USP34: variants seen among roughly 807,000 people sequenced by gnomAD.
USP34 encodes the protein ubiquitin specific peptidase 34.
In USP34, 70 loss-of-function variants were observed where a neutral mutation model predicts 460.3. The ratio of observed to expected loss-of-function variants is 0.15; its 90% CI spans 0.13 to 0.19. The LOEUF is 0.19. Among genes scored for constraint, USP34 ranks in the 10% least tolerant of loss-of-function variants. USP34 has a pLI of 1.00. For missense variants in USP34, 3,985 were observed against 4,236.2 expected, an observed-to-expected ratio of 0.94 and a Z score of 1.65; for synonymous variants, 1,647 against 1,405.3, an observed-to-expected ratio of 1.17 and a Z score of -3.85.
At position 61,248,700 on chromosome 2, in the gene USP34, A is replaced by G. The variant is rs1425218335; in HGVS notation, c.6222-17T>C. 6.5e-7 allele frequency: 1 copy of G among 1,534,086 alleles called. No homozygotes were observed. The highest frequency in any genetic ancestry group is 2.0e-5 in the Admixed American group (1 of 48,962). ...AAACATGCCCTGAGAGACAAGAAAA[A>G]AATTAATAAAGATTATTTTTTACAA... On this transcript the variant is annotated splice_polypyrimidine_tract_variant and intron_variant, in intron 48 of 79. Transcript: ENST00000398571.
At position 61,311,478 on chromosome 2, in the gene USP34, G is replaced by GAAAAAGAAAAAAAAGAGAAAA. The variant is rs1553368197; in HGVS notation, c.3817+61_3817+62insTTTTCTCTTTTTTTTCTTTTT. ...AGAAAAGGAAAGGAGAAAAGAGAAA[G>GAAAAAGAAAAAAAAGAGAAAA]AGAAAGAGAAAAAGAAAGAAAGAGA... On this transcript the variant is annotated intron_variant, in intron 27 of 79. Coordinates refer to ENST00000398571, the MANE Select transcript of USP34 (RefSeq NM_014709.4). 2,313 of 1,480,376 alleles carry GAAAAAGAAAAAAAAGAGAAAA rather than the reference G, an allele frequency of 1.6e-3. 32 individuals are homozygous for GAAAAAGAAAAAAAAGAGAAAA. The African/African-American group carries it at 0.03, about 19-fold the overall frequency. 91.7% of individuals were successfully genotyped at this position (1,480,376 alleles called of 1,614,324 possible).
At chr2:61,385,380 T>C (rs575229225) in intron 5 of USP34, among the ~76,000 whole-genome samples, 2 of 152,034 alleles carry the variant, frequency 1.3e-5, no homozygotes, top group East Asian at 3.9e-4. Context: ...GCTAAAACTC[T>C]CTAAGAAATA....
chr2:61,203,761 T>C (rs965827866), intron 74 of USP34, among the ~76,000 whole-genome samples: 2 of 152,164 alleles, frequency 1.3e-5, no homozygotes, highest in African/African-American at 4.8e-5. Context: ...AATTATCCTG[T>C]ATCAATGTAC....
At chr2:61,198,276 A>G (rs1343907263) in intron 75 of USP34, among the ~76,000 whole-genome samples, 1 of 152,172 alleles carries the variant, frequency 6.6e-6, no homozygotes, top group Non-Finnish European at 1.5e-5. Context: ...TATTCTGCAT[A>G]TTATTTTTAC....
chr2:61,343,889 T>G lies in USP34; in HGVS notation c.2426A>C (p.His809Pro), dbSNP rs374819427. The change falls in exon 16 of 80, where the codon CAT becomes CCT. Residue 809 changes from histidine to proline, a missense_variant. Around this residue, in one of 14 missense-constraint regions of USP34, gnomAD observed 716 missense variants for 626.2 expected, o/e 1.14. Transcript: ENST00000398571. Reference sequence around the variant, plus strand: ...TTGGAGGTGAGATGTCAGTTCCGCATGTGAATTAATCTGAACTAGCTCCTC... The same window carrying G: ...TTGGAGGTGAGATGTCAGTTCCGCAGGTGAATTAATCTGAACTAGCTCCTC... ...CEEELVQINS[H>P]AELTSHLQQH... The G allele has an allele frequency of 9.9e-6, 16 of 1,613,926 alleles. No individual in the cohort carries two copies. Among genetic ancestry groups the G allele is most frequent in the Non-Finnish European group, 1.4e-5 (16 of 1,179,958 alleles).
At chr2:61,405,232 C>CAAAAAAAAAAAAAAA (rs199659618) in intron 3 of USP34, among the ~76,000 whole-genome samples, 17 of 78,056 alleles carry the variant, frequency 2.2e-4, no homozygotes, top group Admixed American at 3.8e-4. Flanking sequence ...GACTCCATCT[C>CAAAAAAAAAAAAAAA]AAAAAAAAAA....
chr2:61,206,329 A>G (rs747692509), intron 71 of USP34, among the ~76,000 whole-genome samples: 1 of 152,224 alleles, frequency 6.6e-6, no homozygotes, highest in Non-Finnish European at 1.5e-5. Flanking sequence ...TTCATTGATA[A>G]TATGTCCCAC....
intron 10 of USP34, among the ~76,000 whole-genome samples, chr2:61,364,020 T>C (rs1036665888): frequency 2.0e-5 from 3 of 152,064 alleles, no homozygotes; most frequent in African/African-American, 7.2e-5. Context: ...GAAGGACAAA[T>C]ATTATGATTC....
intron 44 of USP34, among the ~76,000 whole-genome samples, chr2:61,258,329 ATAAAAATAGT>A (rs2103898896): frequency 6.6e-6 from 1 of 152,312 alleles, no homozygotes; most frequent in East Asian, 1.9e-4. Flanking sequence ...GCCTCAAAAA[ATAAAAATAGT>A]CAAAAATACA....
intron 20 of USP34, among the ~76,000 whole-genome samples, chr2:61,329,779 A>G (rs1572940214): frequency 6.6e-6 from 1 of 152,244 alleles, no homozygotes; most frequent in Admixed American, 6.5e-5. Flanking sequence ...TCATTGTATC[A>G]TTTCATTAAA....
At chr2:61,195,049 G>A (rs1298302594) in intron 75 of USP34, among the ~76,000 whole-genome samples, 3 of 151,410 alleles carry the variant, frequency 2.0e-5, no homozygotes, top group Admixed American at 1.3e-4. Flanking sequence ...ATGAAACCCC[G>A]TCTCTACTAA....
At chr2:61,375,495 C>T (rs557628738) in intron 8 of USP34, among the ~76,000 whole-genome samples, 32 of 152,114 alleles carry the variant, frequency 2.1e-4, no homozygotes, top group East Asian at 1.3e-3. Context: ...ACAGGCGGGG[C>T]GCGGTGGCTC....
Position 61,314,616 on chromosome 2 carries a change from G to T in USP34, c.3511C>A (p.Leu1171Met). 6.4e-7 allele frequency: 1 copy of T among 1,572,866 alleles called. No homozygotes were observed. Among genetic ancestry groups the T allele is most frequent in the Non-Finnish European group, 8.6e-7 (1 of 1,166,520 alleles). Residue 1171 changes from leucine (L) to methionine (M), a missense_variant, in exon 25 of 80, where the codon CTG (leucine) becomes ATG (methionine). This residue lies in a region of USP34 where 1,114 missense variants were observed against 1,122.5 expected (regional missense o/e 0.99). Transcript: ENST00000398571. Reference protein sequence around the residue: ...LMVIERGLLMLKTHLEAFRRR... With the variant: ...LMVIERGLLMMKTHLEAFRRR... ...CTAAACGCTTCCAGATGTGTCTTCA[G>T]CATAAGGAGTCCTCTTTCTATAACC...
chr2:61,381,495 C>T (rs909984934), intron 6 of USP34, among the ~76,000 whole-genome samples: 3 of 152,036 alleles, frequency 2.0e-5, no homozygotes, highest in African/African-American at 4.8e-5. Flanking sequence ...CATGCCACCA[C>T]GACCACCTAA....
intron 10 of USP34, among the ~76,000 whole-genome samples, chr2:61,368,218 G>A (rs1036884608): frequency 4.6e-5 from 7 of 152,134 alleles, no homozygotes; most frequent in East Asian, 1.9e-4. Context: ...AGGATTATGA[G>A]GTTAAGAGAT....
chr2:61,467,689 G>A (rs546005922), intron 1 of USP34, among the ~76,000 whole-genome samples: 5 of 127,060 alleles, frequency 3.9e-5, no homozygotes, highest in East Asian at 2.4e-4. Flanking sequence ...GCATGATCTC[G>A]GCTCACTGCA....
At chr2:61,448,411 C>G (rs940588626) in intron 1 of USP34, among the ~76,000 whole-genome samples, 1 of 152,158 alleles carries the variant, frequency 6.6e-6, no homozygotes, top group African/African-American at 2.4e-5. Context: ...GATAATAGCA[C>G]CACACTCTGG....
intron 7 of USP34, among the ~76,000 whole-genome samples, chr2:61,378,932 A>C (rs1301408851): frequency 2.7e-5 from 4 of 150,656 alleles, no homozygotes; most frequent in Non-Finnish European, 5.9e-5. Context: ...AAAAAAAAAA[A>C]AAAAACAACA....
intron 5 of USP34, among the ~76,000 whole-genome samples, chr2:61,385,415 C>T (rs191183577): frequency 7.9e-5 from 12 of 152,000 alleles, no homozygotes; most frequent in South Asian, 6.2e-4. Flanking sequence ...GGCGCGGTGG[C>T]TCACATCTCA....
Sources: gnomAD v4.1 joint callset for allele counts (sites outside exome capture counted in the v4.1 genomes callset) on GRCh38, gnomAD v4.1.1 for gene constraint, gnomAD v4.1.1 regional missense constraint, MANE v1.5 for transcripts, NCBI Gene and HGNC (gene_info 2026-07-23, HGNC 2026-07-21) for gene names.